NFATC3: variants seen among roughly 807,000 people sequenced by gnomAD.
The protein encoded by NFATC3 is nuclear factor of activated T cells 3.
A neutral mutation model predicts 98.6 loss-of-function variants in NFATC3; 46 were observed. The observed-to-expected ratio is 0.47, with a 90% confidence interval of 0.37 to 0.60. The LOEUF (loss-of-function observed/expected upper bound fraction) is 0.60, where lower values mean the gene tolerates loss of function less well. NFATC3 is among the 20% of genes least tolerant of loss of function. The pLI, the probability that NFATC3 is intolerant of heterozygous loss-of-function variation, is 0.00. For missense variants in NFATC3, 1,256 were observed against 1,295.5 expected (o/e 0.97, Z 0.47); for synonymous variants, 512 against 472.2 (o/e 1.08, Z -1.09).
intron 3 of NFATC3, among the ~76,000 whole-genome samples, chr16:68,147,369 A>T (rs998947484): frequency 1.3e-5 from 2 of 152,100 alleles, no homozygotes; most frequent in Non-Finnish European, 2.9e-5. Context: ...TTCTTTTTCT[A>T]TATAAGAGCA....
intron 2 of NFATC3, among the ~76,000 whole-genome samples, chr16:68,123,649 CA>C (rs879522913): frequency 2.5e-4 from 36 of 142,790 alleles, no homozygotes; most frequent in Non-Finnish European, 2.8e-4. Flanking sequence ...CTGTTTCTAC[CA>C]AAAAAAAAAA....
rs943351869 is a variant in NFATC3 at position 68,227,118 on chromosome 16, G to A, written c.*647G>A. ...GAGACCATTCCATCATTGAAGTGTT[G>A]GAATATAAAAAGACATTCCAGAGCA... On this transcript the variant is annotated 3_prime_UTR_variant, in exon 10 of 10. Transcript: ENST00000346183. The A allele has an allele frequency of 1.3e-5, 2 of 152,072 alleles. No homozygotes were observed. Among genetic ancestry groups the A allele is most frequent in the Non-Finnish European group, 2.9e-5 (2 of 68,008 alleles). The allele number at this position is 152,072 out of a possible 1,614,324, so 9.4% of individuals were successfully genotyped here. A position where few individuals can be genotyped will look rare whatever the true frequency, so the allele number is the denominator to read the frequency against.
intron 9 of NFATC3, 32 bp downstream of exon 9, chr16:68,191,807 G>T: frequency 6.2e-7 from 1 of 1,609,042 alleles, no homozygotes; most frequent in Non-Finnish European, 8.5e-7. Flanking sequence ...TCTTGAAGTA[G>T]TGAAGATTCA....
At chr16:68,178,025 G>GT (rs1039208665) in intron 6 of NFATC3, among the ~76,000 whole-genome samples, 1 of 151,646 alleles carries the variant, frequency 6.6e-6, no homozygotes, top group African/African-American at 2.4e-5. Flanking sequence ...ATTCTTGTTT[G>GT]TTTTTTTATA....
intron 9 of NFATC3, chr16:68,218,051 G>A: frequency 1.9e-6 from 2 of 1,078,358 alleles, no homozygotes; most frequent in Non-Finnish European, 2.2e-6. Flanking sequence ...ATATTTTTTG[G>A]TTTTTCCCTT....
At chr16:68,174,790 G>T (rs1019712777) in intron 6 of NFATC3, among the ~76,000 whole-genome samples, 8 of 152,210 alleles carry the variant, frequency 5.3e-5, no homozygotes, top group African/African-American at 1.4e-4. Flanking sequence ...CTAGGTTACA[G>T]TGAGCTCTGA....
rs547635265 is a variant in NFATC3 at position 68,199,258 on chromosome 16, C to T, written c.3106+7483C>T. On this transcript the variant is annotated intron_variant, in intron 9 of 9. Coordinates refer to ENST00000346183, the MANE Select transcript of NFATC3 (RefSeq NM_173165.3). ...ATTTTTTTTGAGACAGAGTCTCGCT[C>T]TGTCGCCCAGGCTGGAGTGCAGTGG... Among the ~76,000 whole-genome samples the T allele has an allele frequency of 1.8e-3, 264 of 148,012 alleles. 1 individual carries two copies. The highest frequency in any genetic ancestry group is 3.0e-3 in the Non-Finnish European group (198 of 66,984).
intron 4 of NFATC3, among the ~76,000 whole-genome samples, chr16:68,164,656 G>A (rs2039101257): frequency 6.6e-6 from 1 of 151,878 alleles, no homozygotes; most frequent in East Asian, 1.9e-4. Flanking sequence ...GAGGTGGGCG[G>A]ATCACGAGAT....
At chr16:68,150,537 G>A (rs2038264791) in intron 3 of NFATC3, among the ~76,000 whole-genome samples, 1 of 150,494 alleles carries the variant, frequency 6.6e-6, no homozygotes, top group Non-Finnish European at 1.5e-5. Flanking sequence ...AGCTATGATT[G>A]TGCCATTGCA....
At position 68,190,626 on chromosome 16, in the gene NFATC3, C is replaced by T. The variant is rs28463536; in HGVS notation, c.2099-142C>T. 9.3e-3 allele frequency: 6,821 copies of T among 732,082 alleles called. 332 individuals carry two copies. The African/African-American group carries it at 0.11, about 12-fold the overall frequency. 45.3% of individuals were successfully genotyped at this position (732,082 alleles called of 1,614,324 possible). A position where few individuals can be genotyped will look rare whatever the true frequency, so the allele number is the denominator to read the frequency against. On this transcript the variant is annotated intron_variant, in intron 8 of 9. Transcript: ENST00000346183. ...GTCTACACGTACACACAGACATACA[C>T]GATATTTTATATGAACTGCCTTCCT...
At chr16:68,130,882 C>T (rs1457994514) in intron 3 of NFATC3, among the ~76,000 whole-genome samples, 1 of 152,096 alleles carries the variant, frequency 6.6e-6, no homozygotes, top group Non-Finnish European at 1.5e-5. Context: ...GTGTTCCCAG[C>T]ATAGTTATTG....
intron 9 of NFATC3, among the ~76,000 whole-genome samples, chr16:68,213,088 C>T (rs1395218274): frequency 6.6e-6 from 1 of 150,618 alleles, no homozygotes; most frequent in Non-Finnish European, 1.5e-5. Context: ...TGTGAGCCAC[C>T]ATGCCCGGCC....
intron 3 of NFATC3, among the ~76,000 whole-genome samples, chr16:68,153,530 G>A (rs541367596): frequency 6.6e-6 from 1 of 152,280 alleles, no homozygotes; most frequent in Admixed American, 6.5e-5. Context: ...CCATATAGAT[G>A]TCTCACTGTT....
rs781421066 is a variant in NFATC3 at position 68,226,513 on chromosome 16, C to T, written c.*42C>T. On this transcript the variant is annotated 3_prime_UTR_variant, in exon 10 of 10. Transcript: ENST00000346183. The stretch of plus-strand genomic sequence containing the variant: ...CTTGTGTCCACCACCAACTTCTCAG[C>T]ATGTTTCTCTCCTTGGACCTTGGGT... 4.1e-6 allele frequency: 6 copies of T among 1,456,592 alleles called. No individual in the cohort carries two copies. Among genetic ancestry groups the T allele is most frequent in the South Asian group, 1.5e-5 (1 of 65,832 alleles). The allele number at this position is 1,456,592 out of a possible 1,614,324, so 90.2% of individuals were successfully genotyped here. A position where few individuals can be genotyped will look rare whatever the true frequency, so the allele number is the denominator to read the frequency against.
chr16:68,099,053 T>G (rs2035197229), intron 1 of NFATC3, among the ~76,000 whole-genome samples: 1 of 152,206 alleles, frequency 6.6e-6, no homozygotes, highest in Non-Finnish European at 1.5e-5. Context: ...GTGAACAATT[T>G]TACATGCACT....
At chr16:68,153,714 C>G (rs970670320) in intron 3 of NFATC3, among the ~76,000 whole-genome samples, 4 of 152,062 alleles carry the variant, frequency 2.6e-5, no homozygotes, top group Non-Finnish European at 5.9e-5. Flanking sequence ...CCTGGGTTCA[C>G]TCCATTCTCC....
intron 3 of NFATC3, among the ~76,000 whole-genome samples, chr16:68,139,163 A>T (rs1033463495): frequency 1.3e-5 from 2 of 152,196 alleles, no homozygotes; most frequent in African/African-American, 4.8e-5. Flanking sequence ...TAAGTGCTAT[A>T]TTGGAAATTA....
At chr16:68,100,915 T>G (rs1369620882) in intron 1 of NFATC3, among the ~76,000 whole-genome samples, 6 of 151,330 alleles carry the variant, frequency 4.0e-5, no homozygotes, top group Admixed American at 2.6e-4. Context: ...GGGGTGTGTG[T>G]GTGTGTGTGT....
intron 1 of NFATC3, among the ~76,000 whole-genome samples, chr16:68,102,374 G>GAAAAAAAAAA (rs71268472): frequency 3.2e-5 from 1 of 30,894 alleles, no homozygotes; most frequent in Non-Finnish European, 6.4e-5. Context: ...TCCATCTCAG[G>GAAAAAAAAAA]AAAAAAAAAA....
Sources: allele counts gnomAD v4.1 joint callset (sites outside exome capture counted in the v4.1 genomes callset), GRCh38; gene constraint gnomAD v4.1.1; transcripts MANE v1.5; gene names NCBI Gene and HGNC (gene_info 2026-07-23, HGNC 2026-07-21).